Variants in CRADD observed in about 807,000 individuals in gnomAD.
The protein encoded by CRADD is death domain-containing protein CRADD.
In CRADD, 9 loss-of-function variants were observed where a neutral mutation model predicts 15.5. That is an observed-to-expected ratio of 0.58 (90% CI 0.35 to 1.01). CRADD has a LOEUF of 1.01. Ranked by LOEUF, CRADD falls within the 50% of genes least tolerant of loss-of-function variation. The probability of loss-of-function intolerance (pLI) is 0.02; values close to 1 mark genes in which losing one functional copy is unlikely to be tolerated. For missense variants in CRADD, 227 were observed against 250.3 expected (o/e 0.91, Z 0.63); for synonymous variants, 118 against 107.6 (o/e 1.10, Z -0.60).
chr12:93,786,571 T>C (rs1345021120), intron 2 of CRADD, among the ~76,000 whole-genome samples: 1 of 152,176 alleles, frequency 6.6e-6, no homozygotes, highest in African/African-American at 2.4e-5. Context: ...AGCGCTTCTT[T>C]ATAGATTCTG....
At chr12:93,827,359 T>G (rs1957835801) in intron 2 of CRADD, among the ~76,000 whole-genome samples, 1 of 152,220 alleles carries the variant, frequency 6.6e-6, no homozygotes, top group Admixed American at 6.5e-5. Flanking sequence ...CGCATAATTA[T>G]TTTTAGATTT....
At chr12:93,832,668 A>G (rs1957921915) in intron 2 of CRADD, among the ~76,000 whole-genome samples, 1 of 152,230 alleles carries the variant, frequency 6.6e-6, no homozygotes, top group African/African-American at 2.4e-5. Flanking sequence ...AGATGAAACT[A>G]AAGTTATAAG....
intron 2 of CRADD, among the ~76,000 whole-genome samples, chr12:93,686,028 AG>A (rs1266853383): frequency 6.6e-6 from 1 of 151,296 alleles, no homozygotes; most frequent in Non-Finnish European, 1.5e-5. Context: ...GGTTGGGTGT[AG>A]TGGCTCATGC....
rs1353951929 is a variant in CRADD at position 93,806,473 on chromosome 12, CA to C, written c.299-43489del. On this transcript the variant is annotated intron_variant, in intron 2 of 2. Transcript: ENST00000332896. ...TCTCAAAAAAAAAAAAAAAAAAAAA[CA>C]AAAAAAAGAAAAAAAAGGATGGACT... Among the ~76,000 whole-genome samples the C allele has an allele frequency of 5.0e-5, 4 of 79,208 alleles. No individual in the cohort carries two copies. The East Asian group carries it at 1.8e-3, about 35-fold the overall frequency. 52.0% of individuals were successfully genotyped at this position (79,208 alleles called of 152,430 possible).
At chr12:93,700,644 C>T (rs1273608148) in intron 2 of CRADD, among the ~76,000 whole-genome samples, 1 of 152,092 alleles carries the variant, frequency 6.6e-6, no homozygotes, top group Non-Finnish European at 1.5e-5. Context: ...GTTAGCCAGG[C>T]TGGTCTCGAT....
intron 2 of CRADD, among the ~76,000 whole-genome samples, chr12:93,769,760 G>A (rs1957063119): frequency 6.6e-6 from 1 of 152,158 alleles, no homozygotes. Context: ...ATTTTCATAT[G>A]TTTATTGACC....
chr12:93,847,716 A>G (rs1245889456), intron 2 of CRADD, among the ~76,000 whole-genome samples: 1 of 152,202 alleles, frequency 6.6e-6, no homozygotes, highest in Non-Finnish European at 1.5e-5. Flanking sequence ...ATGTATAACT[A>G]TTAGGCATCT....
chr12:93,746,193 G>A (rs1308501022), intron 2 of CRADD, among the ~76,000 whole-genome samples: 1 of 152,196 alleles, frequency 6.6e-6, no homozygotes, highest in Non-Finnish European at 1.5e-5. Context: ...GATTAAAGAA[G>A]ATTGGGATTT....
chr12:93,796,553 C>T (rs1015024386), intron 2 of CRADD, among the ~76,000 whole-genome samples: 4 of 146,546 alleles, frequency 2.7e-5, no homozygotes, highest in African/African-American at 5.1e-5. Context: ...TGCAGTGAGC[C>T]GAGATCACGC....
At chr12:93,800,056 G>A (rs1957460169) in intron 2 of CRADD, among the ~76,000 whole-genome samples, 1 of 152,182 alleles carries the variant, frequency 6.6e-6, no homozygotes, top group Admixed American at 6.5e-5. Context: ...TAGATAGATT[G>A]ACACAGAGAG....
chr12:93,679,107 A>G, intron 2 of CRADD, 35 bp downstream of exon 2: 1 of 1,529,802 alleles, frequency 6.5e-7, no homozygotes, highest in Non-Finnish European at 9.0e-7. Flanking sequence ...AACCAGCTCC[A>G]AAATGTTGTA....
At chr12:93,883,668 C>CA (rs943567638) in intron 2 of CRADD, among the ~76,000 whole-genome samples, 13 of 151,528 alleles carry the variant, frequency 8.6e-5, no homozygotes, top group East Asian at 1.9e-4. Flanking sequence ...AAAAACAAAA[C>CA]AAAAAAAACA....
chr12:93,834,873 G>C (rs563353701), intron 2 of CRADD, among the ~76,000 whole-genome samples: 2 of 152,336 alleles, frequency 1.3e-5, no homozygotes, highest in South Asian at 2.1e-4. Context: ...TTGAGGAACA[G>C]ATCAAGGGGC....
chr12:93,844,902 G>T (rs1312507429), intron 2 of CRADD, among the ~76,000 whole-genome samples: 1 of 152,222 alleles, frequency 6.6e-6, no homozygotes, highest in Non-Finnish European at 1.5e-5. Context: ...ACCAGTTCCT[G>T]AGGGTTCCTC....
At chr12:93,841,503 C>G (rs1958046933) in intron 2 of CRADD, among the ~76,000 whole-genome samples, 1 of 152,172 alleles carries the variant, frequency 6.6e-6, no homozygotes. Flanking sequence ...CCATCTGGGC[C>G]TAGGGCTCTT....
At chr12:93,786,229 A>G (rs950339330) in intron 2 of CRADD, among the ~76,000 whole-genome samples, 4 of 152,208 alleles carry the variant, frequency 2.6e-5, no homozygotes, top group African/African-American at 9.6e-5. Context: ...GACTTCTGGA[A>G]TAAACTCCAC....
At chr12:93,892,181 G>T (rs1958580755) in intron 2 of CRADD, among the ~76,000 whole-genome samples, 1 of 152,000 alleles carries the variant, frequency 6.6e-6, no homozygotes, top group African/African-American at 2.4e-5. Flanking sequence ...CTTCAAGGAG[G>T]CCCTGCAAAG....
At chr12:93,811,586 C>T (rs1475869440) in intron 2 of CRADD, among the ~76,000 whole-genome samples, 1 of 152,188 alleles carries the variant, frequency 6.6e-6, no homozygotes, top group African/African-American at 2.4e-5. Context: ...TGCTTTGAGA[C>T]GTCGGGCAAG....
intron 2 of CRADD, among the ~76,000 whole-genome samples, chr12:93,778,482 T>C (rs761123038): frequency 6.6e-6 from 1 of 152,234 alleles, no homozygotes. Context: ...GCCATACTTA[T>C]TAGACTTAGA....
Sources: gnomAD v4.1 joint callset for allele counts (sites outside exome capture counted in the v4.1 genomes callset) on GRCh38, gnomAD v4.1.1 for gene constraint, MANE v1.5 for transcripts, NCBI Gene and HGNC (gene_info 2026-07-23, HGNC 2026-07-21) for gene names.